GBE1: variants seen among roughly 807,000 people sequenced by gnomAD.
The protein encoded by GBE1 is 1,4-alpha-glucan branching enzyme 1.
In GBE1, 70 loss-of-function variants were observed where a neutral mutation model predicts 88.8. The observed-to-expected ratio is 0.79, with a 90% CI of 0.65 to 0.96. The LOEUF (loss-of-function observed/expected upper bound fraction) is 0.96, where lower values mean the gene tolerates loss of function less well. Among genes scored for constraint, GBE1 ranks in the 40% least tolerant of loss-of-function variants. GBE1 has a pLI of 0.00. For missense variants in GBE1, 872 were observed against 871.0 expected, an observed-to-expected ratio of 1.00 and a Z score of -0.01; for synonymous variants, 284 against 300.1, an observed-to-expected ratio of 0.95 and a Z score of 0.56.
At chr3:81,557,009 C>T (rs1703357964) in intron 12 of GBE1, among the ~76,000 whole-genome samples, 1 of 152,094 alleles carries the variant, frequency 6.6e-6, no homozygotes, top group South Asian at 2.1e-4. Context: ...TATTTTCTTA[C>T]AAATGCCCAG....
At chr3:81,575,766 T>C (rs1320939941) in intron 12 of GBE1, among the ~76,000 whole-genome samples, 1 of 152,196 alleles carries the variant, frequency 6.6e-6, no homozygotes. Flanking sequence ...TAACTAAAAC[T>C]GGTTATTGCA....
intron 1 of GBE1, among the ~76,000 whole-genome samples, chr3:81,749,541 G>A (rs1575776932): frequency 6.6e-6 from 1 of 152,248 alleles, no homozygotes; most frequent in East Asian, 1.9e-4. Context: ...TATCTTCATT[G>A]CAGTGTCAGT....
At chr3:81,615,477 C>A (rs1704237208) in intron 7 of GBE1, among the ~76,000 whole-genome samples, 1 of 152,176 alleles carries the variant, frequency 6.6e-6, no homozygotes, top group African/African-American at 2.4e-5. Context: ...ACACTAATTT[C>A]TTCTCCATTT....
chr3:81,615,515 A>C (rs1704237875), intron 7 of GBE1, among the ~76,000 whole-genome samples: 1 of 152,150 alleles, frequency 6.6e-6, no homozygotes, highest in Non-Finnish European at 1.5e-5. Context: ...TGATAATATA[A>C]ATGGGATTAA....
Position 81,710,232 on chromosome 3 carries a change from C to CTTTTTTTTTTTTTT in GBE1, c.144-4633_144-4620dup. On this transcript the variant is annotated intron_variant, in intron 1 of 15. Transcript: ENST00000429644. ...TTGTTTTACTCTTAAGGTAATTAAT[C>CTTTTTTTTTTTTTT]TTTTTTTTTTTTTTTTTTTTGAGAC... 8.2e-4 allele frequency among the ~76,000 whole-genome samples: 76 copies of CTTTTTTTTTTTTTT among 93,230 alleles called. 12 individuals carry two copies. The highest frequency in any genetic ancestry group is 2.1e-3 in the East Asian group (5 of 2,430). The allele number at this position is 93,230 out of a possible 152,430, so 61.2% of individuals were successfully genotyped here. A position where few individuals can be genotyped will look rare whatever the true frequency, so the allele number is the denominator to read the frequency against.
At position 81,645,094 on chromosome 3, in the gene GBE1, T is replaced by C. The variant is rs534004871; in HGVS notation, c.782+1298A>G. ...ACTCCAACATCAAATATATACTTTC[T>C]GAAGTTCATAAGATAGGTCAGAGAG... On this transcript the variant is annotated intron_variant, in intron 6 of 15. Coordinates refer to ENST00000429644, the MANE Select transcript of GBE1 (RefSeq NM_000158.4). Among the ~76,000 whole-genome samples, 9 of 152,356 alleles carry C rather than the reference T, an allele frequency of 5.9e-5. 1 individual carries two copies. The South Asian group carries it at 1.9e-3, about 32-fold the overall frequency.
In GBE1 at chr3:81,594,033, A is replaced by C. The variant is rs2106957202; in HGVS notation, c.993-10T>G. 1 of 1,314,566 alleles carries C rather than the reference A, an allele frequency of 7.6e-7. No individual in the cohort carries two copies. The highest frequency in any genetic ancestry group is 2.5e-5 in the East Asian group (1 of 40,448). 81.4% of individuals were successfully genotyped at this position (1,314,566 alleles called of 1,614,324 possible). A position where few individuals can be genotyped will look rare whatever the true frequency, so the allele number is the denominator to read the frequency against. On this transcript the variant is annotated splice_polypyrimidine_tract_variant and intron_variant, in intron 7 of 15. Coordinates refer to ENST00000429644, the MANE Select transcript of GBE1 (RefSeq NM_000158.4). ...TCTTAAAATTTCCCAGCTAAAATATAAGAGAAATATGTATTTAAGCAAAAT... is the reference window on the plus strand; with the variant it reads ...TCTTAAAATTTCCCAGCTAAAATATCAGAGAAATATGTATTTAAGCAAAAT...
chr3:81,750,601 G>GTATATATATATA (rs1290586284), intron 1 of GBE1, among the ~76,000 whole-genome samples: 3 of 35,808 alleles, frequency 8.4e-5, no homozygotes, highest in African/African-American at 2.8e-4. Flanking sequence ...ATATATATAT[G>GTATATATATATA]TGTATATATA....
chr3:81,609,845 C>G (rs1553685692), intron 7 of GBE1, among the ~76,000 whole-genome samples: 7 of 152,140 alleles, frequency 4.6e-5, no homozygotes, highest in Non-Finnish European at 1.0e-4. Flanking sequence ...AGATTGTAAA[C>G]ATATAAATTG....
At chr3:81,511,779 G>A (rs1702728401) in intron 14 of GBE1, among the ~76,000 whole-genome samples, 1 of 151,046 alleles carries the variant, frequency 6.6e-6, no homozygotes, top group South Asian at 2.1e-4. Context: ...GCTTGTAAAT[G>A]TCTCAAATAA....
chr3:81,685,123 G>T (rs951730226), intron 2 of GBE1, among the ~76,000 whole-genome samples: 2 of 152,156 alleles, frequency 1.3e-5, no homozygotes, highest in African/African-American at 4.8e-5. Context: ...ATTGTACCAA[G>T]TAGCTTCCAG....
At chr3:81,686,197 G>A (rs1237474512) in intron 2 of GBE1, among the ~76,000 whole-genome samples, 1 of 152,138 alleles carries the variant, frequency 6.6e-6, no homozygotes, top group African/African-American at 2.4e-5. Flanking sequence ...ATAATGTTTC[G>A]CTTTTGTGGT....
intron 2 of GBE1, among the ~76,000 whole-genome samples, chr3:81,671,382 T>C (rs1705187333): frequency 6.6e-6 from 1 of 151,758 alleles, no homozygotes; most frequent in South Asian, 2.1e-4. Flanking sequence ...TTCATAAGAG[T>C]GTGACAGAGC....
At chr3:81,717,716 G>A (rs1705959100) in intron 1 of GBE1, among the ~76,000 whole-genome samples, 1 of 151,942 alleles carries the variant, frequency 6.6e-6, no homozygotes, top group Admixed American at 6.6e-5. Flanking sequence ...GAATTGAAAG[G>A]TTCCATCCTA....
intron 14 of GBE1, among the ~76,000 whole-genome samples, chr3:81,518,431 A>C (rs1702827286): frequency 6.6e-6 from 1 of 151,478 alleles, no homozygotes; most frequent in Non-Finnish European, 1.5e-5. Context: ...TACTGCCTAT[A>C]ATCTTATGAA....
intron 2 of GBE1, among the ~76,000 whole-genome samples, chr3:81,705,068 C>G (rs899092660): frequency 6.6e-6 from 1 of 152,108 alleles, no homozygotes; most frequent in Non-Finnish European, 1.5e-5. Flanking sequence ...ATGATGCCAG[C>G]CAGCCAGGTG....
intron 14 of GBE1, among the ~76,000 whole-genome samples, chr3:81,530,552 T>C (rs1559635656): frequency 6.6e-6 from 1 of 151,954 alleles, no homozygotes; most frequent in Non-Finnish European, 1.5e-5. Context: ...ATTAAGGGGC[T>C]CCACTCTTGT....
At chr3:81,496,323 G>C (rs184023881) in intron 15 of GBE1, among the ~76,000 whole-genome samples, 1 of 152,174 alleles carries the variant, frequency 6.6e-6, no homozygotes, top group African/African-American at 2.4e-5. Context: ...CAGAGACAAC[G>C]CTAGAACGGT....
intron 12 of GBE1, among the ~76,000 whole-genome samples, chr3:81,553,663 A>G (rs1173182876): frequency 1.4e-5 from 2 of 144,248 alleles, no homozygotes; most frequent in Admixed American, 1.4e-4. Context: ...TACAGATGCA[A>G]AATGGGTTTC....
Sources: allele counts gnomAD v4.1 joint callset (sites outside exome capture counted in the v4.1 genomes callset), GRCh38; gene constraint gnomAD v4.1.1; transcripts MANE v1.5; gene names NCBI Gene and HGNC (gene_info 2026-07-23, HGNC 2026-07-21).